The following RNLS variants were observed in gnomAD, a reference collection of about 807,000 sequenced individuals.
RNLS encodes the protein renalase.
RNLS carries 39 observed loss-of-function variants against 39.8 expected under a neutral mutation model. The observed-to-expected ratio is 0.98, with a 90% confidence interval of 0.76 to 1.28. The LOEUF is 1.28. Ranked by LOEUF, RNLS falls within the 50% of genes most tolerant of loss-of-function variation. RNLS has a pLI of 0.00. For synonymous variants in RNLS, 147 were observed against 150.7 expected (o/e 0.98, Z 0.18); for missense variants, 410 against 413.3 (o/e 0.99, Z 0.07).
chr10:88,230,068 G>A, the RNLS span, among the ~76,000 whole-genome samples: 8 of 152,214 alleles, frequency 5.3e-5, no homozygotes, highest in Admixed American at 5.2e-4. Flanking sequence ...TTGGAGAAAT[G>A]GAGTTGTCTG....
the RNLS span, among the ~76,000 whole-genome samples, chr10:88,242,975 A>AAACC: frequency 1.0e-4 from 15 of 144,648 alleles, no homozygotes; most frequent in African/African-American, 3.0e-4. Flanking sequence ...ACAAACAAAC[A>AAACC]AACCCATAAG....
chr10:88,199,522 C>T, the RNLS span, among the ~76,000 whole-genome samples: 5 of 152,190 alleles, frequency 3.3e-5, no homozygotes, highest in African/African-American at 1.2e-4. Flanking sequence ...GCATCCCACC[C>T]CATGATGGTA....
At chr10:88,575,829 C>T (rs932134293) in intron 3 of RNLS, among the ~76,000 whole-genome samples, 1 of 152,244 alleles carries the variant, frequency 6.6e-6, no homozygotes, top group Admixed American at 6.5e-5. Context: ...TTTAACATTG[C>T]TTACAAAGCC....
At chr10:88,190,618 G>A in the RNLS span, among the ~76,000 whole-genome samples, 1 of 152,250 alleles carries the variant, frequency 6.6e-6, no homozygotes, top group East Asian at 1.9e-4. Flanking sequence ...TTTACAGCAA[G>A]TTTTCTAGTT....
At chr10:88,522,913 T>C (rs1012812010) in intron 4 of RNLS, among the ~76,000 whole-genome samples, 2 of 152,072 alleles carry the variant, frequency 1.3e-5, no homozygotes, top group Non-Finnish European at 2.9e-5. Flanking sequence ...AAAGTGCAAA[T>C]GCACCACTGG....
chr10:88,333,334 T>C (rs537872992), intron 5 of RNLS, among the ~76,000 whole-genome samples: 1 of 152,294 alleles, frequency 6.6e-6, no homozygotes, highest in South Asian at 2.1e-4. Context: ...GATGAAAGTG[T>C]ATAAAGTGAA....
intron 4 of RNLS, among the ~76,000 whole-genome samples, chr10:88,551,390 C>G (rs1848592903): frequency 6.6e-6 from 1 of 152,186 alleles, no homozygotes; most frequent in Non-Finnish European, 1.5e-5. Flanking sequence ...ACAGAAAAAT[C>G]AACTAATGTG....
intron 5 of RNLS, among the ~76,000 whole-genome samples, chr10:88,345,568 T>G (rs914494595): frequency 1.3e-5 from 2 of 152,148 alleles, no homozygotes; most frequent in Admixed American, 6.6e-5. Context: ...AAATAAAAAT[T>G]TATATAACTA....
Position 88,488,681 on chromosome 10 carries a change from G to GA in RNLS, c.526+84221dup, listed in dbSNP as rs908970598. Among the ~76,000 whole-genome samples the GA allele has an allele frequency of 1.9e-4, 29 of 150,376 alleles. No individual in the cohort carries two copies. In the East Asian group the frequency reaches 5.1e-3, roughly 26 times the overall value. On this transcript the variant is annotated intron_variant, in intron 4 of 6. Transcript: ENST00000331772. ...GCAAGCAAAATGAAAAATTAAATGT[G>GA]AAAAAAAAAGTTGACGGCTAATAGA...
chr10:88,346,098 AAGAG>A (rs932672529), intron 5 of RNLS, among the ~76,000 whole-genome samples: 4 of 152,088 alleles, frequency 2.6e-5, no homozygotes, highest in Non-Finnish European at 5.9e-5. Context: ...CTGATATAAA[AAGAG>A]AGATAATTGC....
At chr10:88,195,734 A>C in the RNLS span, among the ~76,000 whole-genome samples, 1 of 152,208 alleles carries the variant, frequency 6.6e-6, no homozygotes, top group Non-Finnish European at 1.5e-5. Flanking sequence ...ATAGAAAAGA[A>C]AATGATACCA....
the RNLS span, among the ~76,000 whole-genome samples, chr10:88,266,423 C>A: frequency 6.6e-6 from 1 of 152,134 alleles, no homozygotes; most frequent in Non-Finnish European, 1.5e-5. Flanking sequence ...TCCCCTGATT[C>A]CTGGCCAAAA....
chr10:88,200,576 T>G, the RNLS span, among the ~76,000 whole-genome samples: 1 of 152,232 alleles, frequency 6.6e-6, no homozygotes, highest in Non-Finnish European at 1.5e-5. Context: ...GTGGTACTTG[T>G]AGAACAAATC....
intron 4 of RNLS, among the ~76,000 whole-genome samples, chr10:88,495,094 T>C (rs1041870410): frequency 2.0e-5 from 3 of 152,130 alleles, no homozygotes; most frequent in Non-Finnish European, 2.9e-5. Flanking sequence ...TAATTCCTAG[T>C]GATGACAGCA....
intron 6 of RNLS, among the ~76,000 whole-genome samples, chr10:88,288,026 G>A (rs1447682886): frequency 6.6e-6 from 1 of 152,102 alleles, no homozygotes; most frequent in African/African-American, 2.4e-5. Flanking sequence ...TAACTTTCTG[G>A]CTCTTAATAG....
At chr10:88,191,771 A>G in the RNLS span, among the ~76,000 whole-genome samples, 4 of 152,184 alleles carry the variant, frequency 2.6e-5, no homozygotes, top group Non-Finnish European at 5.9e-5. Context: ...CTAGACCAGG[A>G]AAGAGGAGCC....
intron 5 of RNLS, among the ~76,000 whole-genome samples, chr10:88,353,207 T>A (rs1013431467): frequency 2.0e-5 from 3 of 152,182 alleles, no homozygotes; most frequent in African/African-American, 7.2e-5. Flanking sequence ...CCTTAGTTAT[T>A]TAGCTTAGCT....
At chr10:88,348,226 T>A (rs1848443583) in intron 5 of RNLS, among the ~76,000 whole-genome samples, 2 of 152,204 alleles carry the variant, frequency 1.3e-5, no homozygotes, top group Admixed American at 6.5e-5. Context: ...GATGCTCTCA[T>A]CTCATCTATG....
At chr10:88,401,723 C>T (rs1852930021) in intron 4 of RNLS, among the ~76,000 whole-genome samples, 1 of 151,912 alleles carries the variant, frequency 6.6e-6, no homozygotes, top group Non-Finnish European at 1.5e-5. Flanking sequence ...TTACATTCTA[C>T]AAAAATAGAA....
Sources: allele counts gnomAD v4.1 joint callset (sites outside exome capture counted in the v4.1 genomes callset), GRCh38; gene constraint gnomAD v4.1.1; transcripts MANE v1.5; gene names NCBI Gene and HGNC (gene_info 2026-07-23, HGNC 2026-07-21).